Variants in ANKRD44 observed in about 807,000 individuals in gnomAD.
ANKRD44 encodes serine/threonine-protein phosphatase 6 regulatory ankyrin repeat subunit B.
ANKRD44 carries 35 observed loss-of-function variants against 116.0 expected under a neutral mutation model. The observed-to-expected ratio is 0.30, with a 90% CI of 0.23 to 0.40. ANKRD44 has a LOEUF of 0.40. Among genes scored for constraint, ANKRD44 ranks in the 10% least tolerant of loss-of-function variants. ANKRD44 has a pLI of 1.00. For missense variants in ANKRD44, 1,014 were observed against 1,242.6 expected (o/e 0.82, Z 2.77); for synonymous variants, 435 against 461.8 (o/e 0.94, Z 0.74).
chr2:197,171,999 CT>C (rs34135336), intron 2 of ANKRD44, among the ~76,000 whole-genome samples: 6,982 of 43,654 alleles, frequency 0.16, 455 homozygotes, highest in African/African-American at 0.3. Flanking sequence ...TATTTTTCTT[CT>C]TTTTTTTTTT....
chr2:197,061,245 T>A (rs1261447634), intron 16 of ANKRD44, among the ~76,000 whole-genome samples: 4 of 152,150 alleles, frequency 2.6e-5, no homozygotes, highest in Admixed American at 6.5e-5. Context: ...CAGACCTGTA[T>A]AATGTGGAAG....
chr2:197,286,779 A>G (rs2083419866), intron 1 of ANKRD44, among the ~76,000 whole-genome samples: 1 of 152,166 alleles, frequency 6.6e-6, no homozygotes, highest in Non-Finnish European at 1.5e-5. Context: ...TAAGCATGAA[A>G]AAAGGCCACA....
chr2:197,308,842 A>G (rs185752203), intron 1 of ANKRD44, among the ~76,000 whole-genome samples: 154 of 152,294 alleles, frequency 1.0e-3, no homozygotes, highest in African/African-American at 3.5e-3. Context: ...AACACATCCA[A>G]TGAGATGATG....
Position 197,007,791 on chromosome 2 carries a change from G to T in ANKRD44, c.2130+15C>A. The stretch of plus-strand genomic sequence containing the variant: ...AAAAAAATTGCTTGACTAGAGCTGA[G>T]AAAGATGTACATACCCCTCTGTGTA... On this transcript the variant is annotated intron_variant, in intron 20 of 27. Transcript: ENST00000282272. 1.3e-6 allele frequency: 2 copies of T among 1,564,814 alleles called. No individual in the cohort carries two copies. The highest frequency in any genetic ancestry group is 4.5e-5 in the East Asian group (2 of 44,568).
intron 3 of ANKRD44, among the ~76,000 whole-genome samples, chr2:197,144,449 T>C: frequency 6.6e-6 from 1 of 152,188 alleles, no homozygotes; most frequent in East Asian, 1.9e-4. Flanking sequence ...TCTTGCAATA[T>C]TATGAACTTA....
intron 1 of ANKRD44, among the ~76,000 whole-genome samples, chr2:197,274,379 C>T (rs2950823): frequency 0.76 from 115,461 of 152,056 alleles, 44,047 homozygotes; most frequent in East Asian, 0.86. Context: ...AAAGGCTTGC[C>T]GCCCAGCTGT....
intron 1 of ANKRD44, among the ~76,000 whole-genome samples, chr2:197,242,542 C>T (rs1389525566): frequency 6.6e-6 from 1 of 152,150 alleles, no homozygotes; most frequent in African/African-American, 2.4e-5. Context: ...CAATTATAAC[C>T]ACAATGACTA....
chr2:197,060,816 C>T (rs142369460), intron 16 of ANKRD44, among the ~76,000 whole-genome samples: 219 of 152,204 alleles, frequency 1.4e-3, no homozygotes, highest in African/African-American at 5.1e-3. Context: ...CTTAGTGTAA[C>T]GTCTTCCAGG....
At chr2:197,009,064 A>C in intron 18 of ANKRD44, 33 bp from the exon 19 acceptor site, 1 of 1,533,732 alleles carries the variant, frequency 6.5e-7, no homozygotes, top group Non-Finnish European at 9.0e-7. Context: ...GTCTTTTAAC[A>C]GAACAACACT....
At chr2:197,178,607 C>T (rs2080427040) in intron 2 of ANKRD44, among the ~76,000 whole-genome samples, 1 of 152,070 alleles carries the variant, frequency 6.6e-6, no homozygotes, top group South Asian at 2.1e-4. Context: ...GCAGAGGCCA[C>T]TCACCAAAGA....
At chr2:196,994,111 T>G (rs1368470158) in intron 26 of ANKRD44, among the ~76,000 whole-genome samples, 1 of 152,254 alleles carries the variant, frequency 6.6e-6, no homozygotes, top group African/African-American at 2.4e-5. Context: ...TGCACACAGA[T>G]GTTTTACTGA....
At chr2:197,062,641 G>C (rs1440788437) in intron 16 of ANKRD44, among the ~76,000 whole-genome samples, 1 of 152,180 alleles carries the variant, frequency 6.6e-6, no homozygotes, top group Admixed American at 6.5e-5. Flanking sequence ...TTTTCCAACA[G>C]TCTTAGCAAA....
At chr2:197,175,704 G>C (rs182948972) in intron 2 of ANKRD44, among the ~76,000 whole-genome samples, 12 of 152,292 alleles carry the variant, frequency 7.9e-5, no homozygotes, top group Admixed American at 7.8e-4. Flanking sequence ...ACACAATGAA[G>C]TATTCAGGGT....
chr2:197,291,214 A>C (rs1331456811), intron 1 of ANKRD44, among the ~76,000 whole-genome samples: 1 of 152,108 alleles, frequency 6.6e-6, no homozygotes, highest in Non-Finnish European at 1.5e-5. Context: ...GTCCCTAAAA[A>C]ATAAATAAGA....
At chr2:197,178,322 T>C (rs926495831) in intron 2 of ANKRD44, among the ~76,000 whole-genome samples, 5 of 148,674 alleles carry the variant, frequency 3.4e-5, no homozygotes, top group African/African-American at 7.4e-5. Context: ...AGTTAAAAAA[T>C]TAGCAGGGCA....
At chr2:196,982,469 C>T (rs936433992), downstream of ANKRD44, among the ~76,000 whole-genome samples, 4 of 152,074 alleles carry the variant, frequency 2.6e-5, no homozygotes, top group Non-Finnish European at 4.4e-5. Context: ...TCTTTCCCAA[C>T]AAAGGCTCCT....
intron 10 of ANKRD44, among the ~76,000 whole-genome samples, chr2:197,090,814 G>A (rs981172148): frequency 6.6e-5 from 10 of 152,200 alleles, no homozygotes; most frequent in Non-Finnish European, 2.9e-5. Context: ...CTTGATTTGA[G>A]AGAGACAGTT....
intron 25 of ANKRD44, among the ~76,000 whole-genome samples, chr2:196,996,045 A>C (rs1332500668): frequency 6.6e-6 from 1 of 152,228 alleles, no homozygotes; most frequent in African/African-American, 2.4e-5. Context: ...TTTGAAAATC[A>C]ACTGATGAGT....
intron 8 of ANKRD44, among the ~76,000 whole-genome samples, chr2:197,115,949 T>C (rs1159220081): frequency 6.6e-6 from 1 of 152,190 alleles, no homozygotes; most frequent in Non-Finnish European, 1.5e-5. Context: ...AAATCCTATT[T>C]ACACAGAGTC....
Sources: allele counts gnomAD v4.1 joint callset (sites outside exome capture counted in the v4.1 genomes callset), GRCh38; gene constraint gnomAD v4.1.1; transcripts MANE v1.5; gene names NCBI Gene and HGNC (gene_info 2026-07-23, HGNC 2026-07-21).